LRP1B: variants seen among roughly 807,000 people sequenced by gnomAD.
LRP1B encodes the protein low-density lipoprotein receptor-related protein 1B.
Under a neutral mutation model 556.6 loss-of-function variants are expected in LRP1B, and 217 were observed. That is an observed-to-expected ratio of 0.39 (90% CI 0.35 to 0.44). The LOEUF is 0.44. LRP1B is among the 20% of genes least tolerant of loss of function. The probability of loss-of-function intolerance (pLI) is 1.00; values close to 1 mark genes in which losing one functional copy is unlikely to be tolerated. For missense variants in LRP1B, 5,053 were observed against 5,620.8 expected, an observed-to-expected ratio of 0.90 and a Z score of 3.23; for synonymous variants, 2,047 against 1,865.8, an observed-to-expected ratio of 1.10 and a Z score of -2.50.
At chr2:140,470,665 AAAAAAAAAT>A (rs1687731017) in intron 60 of LRP1B, among the ~76,000 whole-genome samples, 1 of 151,160 alleles carries the variant, frequency 6.6e-6, no homozygotes, top group Non-Finnish European at 1.5e-5. Context: ...AAAAAAAAAA[AAAAAAAAAT>A]GGCAAAGATT....
intron 2 of LRP1B, among the ~76,000 whole-genome samples, chr2:141,514,274 G>C (rs11690880): frequency 0.14 from 21,455 of 152,106 alleles, 1,663 homozygotes; most frequent in African/African-American, 0.16. Context: ...AGGGAAATCT[G>C]GTTATGTAAT....
intron 3 of LRP1B, among the ~76,000 whole-genome samples, chr2:141,362,626 A>C (rs1342281680): frequency 6.6e-6 from 1 of 152,226 alleles, no homozygotes; most frequent in African/African-American, 2.4e-5. Context: ...CATTTCTTTC[A>C]AAATTCAGCA....
chr2:140,625,369 G>A (rs1024540067), intron 41 of LRP1B, among the ~76,000 whole-genome samples: 4 of 152,290 alleles, frequency 2.6e-5, no homozygotes, highest in African/African-American at 9.6e-5. Flanking sequence ...CAGGAAAGAT[G>A]TAATTGATAA....
intron 13 of LRP1B, among the ~76,000 whole-genome samples, chr2:141,014,792 C>G (rs1315906557): frequency 1.3e-5 from 2 of 152,064 alleles, no homozygotes; most frequent in East Asian, 1.9e-4. Flanking sequence ...TATCTAGCAC[C>G]TGTTAAGTGT....
At chr2:141,257,969 CA>C (rs1326637100) in intron 3 of LRP1B, among the ~76,000 whole-genome samples, 6 of 152,264 alleles carry the variant, frequency 3.9e-5, no homozygotes, top group African/African-American at 1.2e-4. Flanking sequence ...TTGAGTACAA[CA>C]AAAAATTTTG....
chr2:140,385,965 T>A lies in LRP1B; in HGVS notation c.10459A>T (p.Asn3487Tyr), dbSNP rs139880309. Reference sequence around the variant, plus strand: ...CACCGCCAGTGATCGGGAATACAGTTGTTGTTTTTACACTGGAATTCATGA... The same window carrying A: ...CACCGCCAGTGATCGGGAATACAGTAGTTGTTTTTACACTGGAATTCATGA... Reference protein sequence around the residue: ...GPHEFQCKNNNCIPDHWRCDS... With the variant: ...GPHEFQCKNNYCIPDHWRCDS... The change falls in exon 67 of 91, where the codon AAC becomes TAC. Residue 3487 changes from asparagine to tyrosine, a missense_variant. Physicochemically the swap from Asn to Tyr is moderately radical, Grantham distance 143. Coordinates refer to ENST00000389484, the MANE Select transcript of LRP1B (RefSeq NM_018557.3). 1.5e-4 allele frequency: 247 copies of A among 1,613,680 alleles called. No homozygotes were observed. Among genetic ancestry groups the A allele is most frequent in the Non-Finnish European group, 1.9e-4 (223 of 1,179,674 alleles).
At chr2:141,835,801 T>C (rs2105752388) in intron 1 of LRP1B, among the ~76,000 whole-genome samples, 1 of 151,726 alleles carries the variant, frequency 6.6e-6, no homozygotes, top group Admixed American at 6.6e-5. Context: ...AGTAGTGAGG[T>C]ATACACACAC....
intron 1 of LRP1B, among the ~76,000 whole-genome samples, chr2:142,078,765 G>A (rs1355041300): frequency 6.6e-6 from 1 of 152,058 alleles, no homozygotes; most frequent in Non-Finnish European, 1.5e-5. Context: ...AGCACCATGT[G>A]TAACACATAA....
intron 2 of LRP1B, among the ~76,000 whole-genome samples, chr2:141,697,079 A>G (rs1691758197): frequency 6.6e-6 from 1 of 151,914 alleles, no homozygotes; most frequent in Non-Finnish European, 1.5e-5. Context: ...TGCTAGCCAG[A>G]CATGTTTAAA....
chr2:141,107,460 A>T (rs1057215153), intron 7 of LRP1B, among the ~76,000 whole-genome samples: 1 of 152,152 alleles, frequency 6.6e-6, no homozygotes, highest in South Asian at 2.1e-4. Flanking sequence ...ATCCTGGCCA[A>T]CATGGTGAAA....
chr2:141,200,829 T>C (rs1681981849), intron 6 of LRP1B, among the ~76,000 whole-genome samples: 1 of 152,158 alleles, frequency 6.6e-6, no homozygotes, highest in East Asian at 1.9e-4. Flanking sequence ...CCCAGAACTG[T>C]GTATAGCCCA....
intron 3 of LRP1B, among the ~76,000 whole-genome samples, chr2:141,407,597 T>C (rs772448684): frequency 3.3e-5 from 5 of 152,080 alleles, no homozygotes; most frequent in African/African-American, 9.7e-5. Flanking sequence ...GTTTAAAAAT[T>C]TGTGGCACCT....
At chr2:142,089,323 G>A (rs1487403559) in intron 1 of LRP1B, among the ~76,000 whole-genome samples, 1 of 152,120 alleles carries the variant, frequency 6.6e-6, no homozygotes, top group Non-Finnish European at 1.5e-5. Flanking sequence ...GTAAACTTAT[G>A]CATAAGACAA....
chr2:141,935,409 G>A lies in LRP1B; in HGVS notation c.83-125008C>T, dbSNP rs72852517. Among the ~76,000 whole-genome samples, 356 of 152,246 alleles carry A rather than the reference G, an allele frequency of 2.3e-3. 2 individuals carry two copies. The highest frequency in any genetic ancestry group is 3.5e-3 in the Non-Finnish European group (236 of 67,982). The stretch of plus-strand genomic sequence containing the variant: ...TATTAGAGAAGGAATTAAAAATATG[G>A]ATTAAATTTTGACATCTGTCAATTA... On this transcript the variant is annotated intron_variant, in intron 1 of 90. Transcript: ENST00000389484.
At chr2:141,952,314 A>G (rs1025994644) in intron 1 of LRP1B, among the ~76,000 whole-genome samples, 1 of 152,002 alleles carries the variant, frequency 6.6e-6, no homozygotes, top group African/African-American at 2.4e-5. Flanking sequence ...ATAAACATAC[A>G]TGTGCATGTG....
chr2:141,713,336 T>G (rs978601), intron 2 of LRP1B, among the ~76,000 whole-genome samples: 6,265 of 152,294 alleles, frequency 0.041, 173 homozygotes, highest in East Asian at 0.09. Context: ...CACATCGTCC[T>G]TAAGTTTATA....
chr2:141,387,091 T>G (rs1444833182), intron 3 of LRP1B, among the ~76,000 whole-genome samples: 2 of 151,878 alleles, frequency 1.3e-5, no homozygotes, highest in African/African-American at 4.8e-5. Context: ...AAAAAGACTT[T>G]AACAACCAAT....
intron 90 of LRP1B, among the ~76,000 whole-genome samples, 176 bp from the exon 91 acceptor site, chr2:140,233,502 C>T (rs1680563045): frequency 6.6e-6 from 1 of 151,114 alleles, no homozygotes; most frequent in Admixed American, 6.6e-5. Context: ...CTTTACTCAA[C>T]TCAAGCATGG....
chr2:141,127,304 G>T (rs568074499), intron 7 of LRP1B, among the ~76,000 whole-genome samples: 1 of 152,250 alleles, frequency 6.6e-6, no homozygotes, highest in East Asian at 1.9e-4. Flanking sequence ...GTGTAAATTA[G>T]TCCAACCATT....
Sources: allele counts gnomAD v4.1 joint callset (sites outside exome capture counted in the v4.1 genomes callset), GRCh38; gene constraint gnomAD v4.1.1; transcripts MANE v1.5; gene names NCBI Gene and HGNC (gene_info 2026-07-23, HGNC 2026-07-21).